The following GAB2 variants were observed in gnomAD, a reference collection of about 807,000 sequenced individuals.
The protein encoded by GAB2 is GRB2-associated-binding protein 2.
In GAB2, 26 loss-of-function variants were observed where a neutral mutation model predicts 65.5. The observed-to-expected ratio is 0.40, with a 90% confidence interval of 0.29 to 0.55. GAB2 has a LOEUF of 0.55. GAB2 is among the 20% of genes least tolerant of loss of function. GAB2 has a pLI of 0.53. For synonymous variants in GAB2, 321 were observed against 329.6 expected (o/e 0.97, Z 0.28); for missense variants, 884 against 875.8 (o/e 1.01, Z -0.12).
At chr11:78,301,426 T>C (rs1867016540) in intron 1 of GAB2, among the ~76,000 whole-genome samples, 1 of 150,364 alleles carries the variant, frequency 6.7e-6, no homozygotes, top group Non-Finnish European at 1.5e-5. Flanking sequence ...GCCTCCCAAG[T>C]TCAAGCGATT....
intron 1 of GAB2, among the ~76,000 whole-genome samples, chr11:78,356,779 A>T (rs1296241743): frequency 6.6e-6 from 1 of 152,264 alleles, no homozygotes; most frequent in Non-Finnish European, 1.5e-5. Flanking sequence ...AGTGGATTAA[A>T]AAATGTGGTT....
chr11:78,399,010 G>A (rs1856937162), intron 1 of GAB2, among the ~76,000 whole-genome samples: 2 of 152,170 alleles, frequency 1.3e-5, no homozygotes, highest in South Asian at 4.1e-4. Context: ...GTTTAAACAT[G>A]TGAGCTTATA....
At chr11:78,309,737 AAGT>A (rs1345170434) in intron 1 of GAB2, among the ~76,000 whole-genome samples, 1 of 152,010 alleles carries the variant, frequency 6.6e-6, no homozygotes, top group Non-Finnish European at 1.5e-5. Flanking sequence ...CTATTTCACA[AAGT>A]GGAGAGCTCT....
intron 3 of GAB2, among the ~76,000 whole-genome samples, chr11:78,236,850 G>A (rs949675862): frequency 6.6e-5 from 10 of 151,772 alleles, no homozygotes; most frequent in African/African-American, 2.4e-4. Flanking sequence ...TACCCCTAAT[G>A]TATACACACA....
chr11:78,271,280 G>A (rs1565135827), intron 2 of GAB2, among the ~76,000 whole-genome samples: 2 of 152,152 alleles, frequency 1.3e-5, no homozygotes, highest in African/African-American at 4.8e-5. Flanking sequence ...CTTATTCTGA[G>A]GACTGACAGC....
chr11:78,397,321 C>G (rs749574019), intron 1 of GAB2, among the ~76,000 whole-genome samples: 2 of 152,108 alleles, frequency 1.3e-5, no homozygotes, highest in Non-Finnish European at 2.9e-5. Context: ...CACTAATGAA[C>G]CAATAACTTA....
intron 1 of GAB2, among the ~76,000 whole-genome samples, chr11:78,359,727 C>T (rs369220623): frequency 6.6e-5 from 10 of 151,976 alleles, no homozygotes; most frequent in Non-Finnish European, 8.8e-5. Context: ...TAGAAAATAC[C>T]GGCCAACAAT....
At chr11:78,390,411 T>G (rs141025831) in intron 1 of GAB2, among the ~76,000 whole-genome samples, 1 of 152,238 alleles carries the variant, frequency 6.6e-6, no homozygotes, top group African/African-American at 2.4e-5. Flanking sequence ...CATAGTGAGA[T>G]CCCGTATCTA....
At chr11:78,349,262 A>G (rs1320630932) in intron 1 of GAB2, among the ~76,000 whole-genome samples, 2 of 152,216 alleles carry the variant, frequency 1.3e-5, no homozygotes, top group East Asian at 1.9e-4. Flanking sequence ...ACTACCTCCC[A>G]TATCTCACGA....
chr11:78,267,530 C>A (rs1210804662), intron 2 of GAB2, among the ~76,000 whole-genome samples: 2 of 152,062 alleles, frequency 1.3e-5, no homozygotes, highest in Non-Finnish European at 2.9e-5. Flanking sequence ...TGTCACTTCA[C>A]ACACACGAGA....
intron 2 of GAB2, among the ~76,000 whole-genome samples, chr11:78,279,067 C>A (rs1866257137): frequency 6.6e-6 from 1 of 152,056 alleles, no homozygotes; most frequent in African/African-American, 2.4e-5. Flanking sequence ...TCCATGAAAC[C>A]TATAAATGAC....
intron 1 of GAB2, among the ~76,000 whole-genome samples, chr11:78,303,700 A>G (rs1867094640): frequency 6.6e-6 from 1 of 152,222 alleles, no homozygotes; most frequent in East Asian, 1.9e-4. Context: ...TACCCAAAAA[A>G]GAGAAGTGCT....
chr11:78,342,704 G>A (rs1366676924), intron 1 of GAB2, among the ~76,000 whole-genome samples: 3 of 152,096 alleles, frequency 2.0e-5, no homozygotes, highest in African/African-American at 4.8e-5. Context: ...CACCGCGCCT[G>A]GCCTGCACTT....
intron 3 of GAB2, among the ~76,000 whole-genome samples, chr11:78,244,048 C>T (rs1482206340): frequency 6.6e-6 from 1 of 151,700 alleles, no homozygotes; most frequent in Non-Finnish European, 1.5e-5. Context: ...AAAAAAGGGC[C>T]CAGCTAAGAC....
At chr11:78,276,216 C>T (rs1866167189) in intron 2 of GAB2, among the ~76,000 whole-genome samples, 1 of 152,016 alleles carries the variant, frequency 6.6e-6, no homozygotes, top group Non-Finnish European at 1.5e-5. Context: ...GGGAACGCTG[C>T]TTGAGCCCAG....
intron 1 of GAB2, among the ~76,000 whole-genome samples, chr11:78,317,915 A>G (rs1855644235): frequency 6.6e-6 from 1 of 152,186 alleles, no homozygotes; most frequent in East Asian, 1.9e-4. Flanking sequence ...CTCTAAAACT[A>G]AGAACACATT....
intron 2 of GAB2, among the ~76,000 whole-genome samples, chr11:78,264,567 A>G (rs1054481917): frequency 2.1e-5 from 3 of 145,192 alleles, no homozygotes; most frequent in African/African-American, 7.4e-5. Flanking sequence ...TGCCCAGCTA[A>G]TTTTTGTATT....
chr11:78,399,110 C>T (rs1444206632), intron 1 of GAB2, among the ~76,000 whole-genome samples: 1 of 152,048 alleles, frequency 6.6e-6, no homozygotes, highest in East Asian at 1.9e-4. Context: ...AATAAGAAGC[C>T]AGCATAAAAA....
rs554936726 is a variant in GAB2, at chr11:78,263,463, C to A, written c.377-13063G>T. On this transcript the variant is annotated intron_variant, in intron 2 of 9. Transcript: ENST00000361507. ...CCTGGCTAACACGGTGAAACCCCAT[C>A]TCTACTAAAAATACAAAAAATTAGC... Among the ~76,000 whole-genome samples the A allele has an allele frequency of 2.6e-5, 4 of 152,088 alleles. No homozygotes were observed. In the East Asian group the frequency reaches 7.7e-4, roughly 29 times the overall value.
Sources: gnomAD v4.1 joint callset for allele counts (sites outside exome capture counted in the v4.1 genomes callset) on GRCh38, gnomAD v4.1.1 for gene constraint, MANE v1.5 for transcripts, NCBI Gene and HGNC (gene_info 2026-07-23, HGNC 2026-07-21) for gene names.